The following SLC12A6 variants were observed in gnomAD, a reference collection of about 807,000 sequenced individuals.
SLC12A6 encodes solute carrier family 12 member 6.
Under a neutral mutation model 135.3 loss-of-function variants are expected in SLC12A6, and 66 were observed. The ratio of observed to expected loss-of-function variants is 0.49; its 90% CI spans 0.40 to 0.60. The LOEUF (loss-of-function observed/expected upper bound fraction) is 0.60, where lower values mean the gene tolerates loss of function less well. Ranked by LOEUF, SLC12A6 falls within the 20% of genes least tolerant of loss-of-function variation. The pLI, the probability that SLC12A6 is intolerant of heterozygous loss-of-function variation, is 0.00. For missense variants in SLC12A6, 1,058 were observed against 1,452.3 expected (o/e 0.73, Z 4.41); for synonymous variants, 513 against 508.8 (o/e 1.01, Z -0.11).
At chr15:34,271,602 TACACACACACAC>T (rs10588100) in intron 3 of SLC12A6, among the ~76,000 whole-genome samples, 5 of 148,826 alleles carry the variant, frequency 3.4e-5, no homozygotes, top group South Asian at 2.1e-4. Flanking sequence ...AGTGCAAAGC[TACACACACACAC>T]ACACACACAC....
Position 34,256,092 on chromosome 15 carries a change from C to T in SLC12A6, c.745+137G>A, listed in dbSNP as rs1053021113. 8.4e-6 allele frequency: 6 copies of T among 712,494 alleles called. No homozygotes were observed. In the African/African-American group the frequency reaches 1.1e-4, roughly 12 times the overall value. The allele number at this position is 712,494 out of a possible 1,614,324, so 44.1% of individuals were successfully genotyped here. ...AGTCAAGTAGTATTATGTCTACGTC[C>T]TATAGACCATTACTCTGTTGTAGCA... On this transcript the variant is annotated intron_variant, in intron 7 of 25. Coordinates refer to ENST00000354181, the MANE Select transcript of SLC12A6 (RefSeq NM_001365088.1).
chr15:34,250,807 C>A, intron 11 of SLC12A6, 78 bp from the exon 12 acceptor site: 1 of 1,396,208 alleles, frequency 7.2e-7, no homozygotes, highest in East Asian at 2.3e-5. Flanking sequence ...AGAGTAGAAG[C>A]AAATCTAGGA....
chr15:34,336,695 GAACA>G lies in SLC12A6; in HGVS notation c.-19_-16del, dbSNP rs765826251. 1.2e-6 allele frequency: 2 copies of G among 1,613,274 alleles called. No homozygotes were observed. Among genetic ancestry groups the G allele is most frequent in the Non-Finnish European group, 1.7e-6 (2 of 1,179,332 alleles). ...GGAGGATGCATTTTGTTCTTTTTAA[GAACA>G]AAAAAAGTGGGGGGAACCTCGCAAA... On this transcript the variant is annotated 5_prime_UTR_variant, in exon 2 of 26. Transcript: ENST00000354181.
intron 3 of SLC12A6, 84 bp downstream of exon 3, chr15:34,275,261 A>AAT (rs1894218960): frequency 4.1e-6 from 3 of 739,422 alleles, no homozygotes; most frequent in Non-Finnish European, 7.3e-6. Context: ...TAGAAAATAG[A>AAT]ATCAGAGAAG....
At chr15:34,237,150 A>G (rs1016708266) in intron 22 of SLC12A6, 28 of 465,000 alleles carry the variant, frequency 6.0e-5, no homozygotes, top group Middle Eastern at 6.0e-4. Flanking sequence ...AAAATTTCAT[A>G]AAACTATATT....
chr15:34,234,380 CTTTTT>C lies in SLC12A6; in HGVS notation c.3362-413_3362-409del, dbSNP rs910172993. ...CTTTTTAAACCTTTTTCTTTTCTTT[CTTTTT>C]TTTTTGAGACAGAATTTCCTCTTGT... On this transcript the variant is annotated intron_variant, in intron 25 of 25. Coordinates refer to ENST00000354181, the MANE Select transcript of SLC12A6 (RefSeq NM_001365088.1). Among the ~76,000 whole-genome samples, 6 of 148,866 alleles carry C rather than the reference CTTTTT, an allele frequency of 4.0e-5. No homozygotes were observed. In the South Asian group the frequency reaches 1.3e-3, roughly 32 times the overall value.
chr15:34,312,713 T>A (rs1367985920), intron 2 of SLC12A6, among the ~76,000 whole-genome samples: 2 of 152,182 alleles, frequency 1.3e-5, no homozygotes, highest in East Asian at 3.8e-4. Context: ...CACAGATACT[T>A]TGGGGTTTTT....
rs1162530361 is a variant in SLC12A6, at chr15:34,240,825, G to A, written c.2272C>T (p.Gln758Ter). The A allele has an allele frequency of 2.5e-6, 4 of 1,612,578 alleles. No individual in the cohort carries two copies. The highest frequency in any genetic ancestry group is 3.4e-6 in the Non-Finnish European group (4 of 1,179,292). ...TCTAGTTTCAGTAATACAAGCAACT[G>A]AGGCCTGTGAAGAGGTTGGTGGGGG... ...GPPHTKNWRP[Q>*]LLVLLKLDED... The change falls in exon 19 of 26, where the codon CAG (glutamine) becomes TAG (stop). Residue 758 changes from glutamine to a stop codon, truncating the protein, a stop_gained. Transcript: ENST00000354181. LOFTEE classifies it high-confidence loss of function.
intron 3 of SLC12A6, among the ~76,000 whole-genome samples, chr15:34,269,225 T>G (rs1893739636): frequency 6.6e-6 from 1 of 152,216 alleles, no homozygotes; most frequent in Admixed American, 6.5e-5. Flanking sequence ...AACTTACTGG[T>G]GTTTCACTGC....
intron 2 of SLC12A6, chr15:34,318,664 A>G: frequency 6.2e-7 from 1 of 1,613,428 alleles, no homozygotes; most frequent in Non-Finnish European, 8.5e-7. Context: ...CCTTAGTCAC[A>G]GTAAAATGTG....
intron 2 of SLC12A6, among the ~76,000 whole-genome samples, chr15:34,286,413 A>G (rs1427272503): frequency 6.6e-6 from 1 of 151,862 alleles, no homozygotes; most frequent in African/African-American, 2.4e-5. Flanking sequence ...AAAAAATTGT[A>G]TTTGACTCCG....
intron 2 of SLC12A6, among the ~76,000 whole-genome samples, chr15:34,301,037 C>G (rs1195915409): frequency 1.3e-5 from 2 of 151,844 alleles, no homozygotes; most frequent in Non-Finnish European, 2.9e-5. Flanking sequence ...GGCGCGATCT[C>G]GGCTCACTGC....
chr15:34,243,472 A>ACAG (rs1406386245), intron 16 of SLC12A6, among the ~76,000 whole-genome samples: 2 of 152,200 alleles, frequency 1.3e-5, no homozygotes, highest in African/African-American at 4.8e-5. Flanking sequence ...CTTAACTACA[A>ACAG]CAGCAGCAGC....
At chr15:34,331,965 T>C (rs181954729) in intron 2 of SLC12A6, among the ~76,000 whole-genome samples, 1 of 152,134 alleles carries the variant, frequency 6.6e-6, no homozygotes, top group African/African-American at 2.4e-5. Context: ...TAGATCACAT[T>C]ACATGAGAAA....
chr15:34,240,098 C>A (rs74665959), intron 19 of SLC12A6, among the ~76,000 whole-genome samples: 8,464 of 151,910 alleles, frequency 0.056, 277 homozygotes, highest in Non-Finnish European at 0.073. Context: ...ATCCTTCCCC[C>A]CTCCCCCCAC....
At chr15:34,304,807 C>T (rs1400349003) in intron 2 of SLC12A6, among the ~76,000 whole-genome samples, 3 of 152,102 alleles carry the variant, frequency 2.0e-5, no homozygotes, top group East Asian at 3.8e-4. Flanking sequence ...GGTTAAAAAC[C>T]TTACTTAGCA....
At chr15:34,284,213 C>A (rs556119522) in intron 2 of SLC12A6, among the ~76,000 whole-genome samples, 1 of 150,724 alleles carries the variant, frequency 6.6e-6, no homozygotes, top group African/African-American at 2.4e-5. Context: ...TGATATCTTA[C>A]GGAAAGAGAG....
At chr15:34,241,928 C>A (rs1891672030) in intron 17 of SLC12A6, among the ~76,000 whole-genome samples, 174 bp downstream of exon 17, 1 of 152,150 alleles carries the variant, frequency 6.6e-6, no homozygotes, top group South Asian at 2.1e-4. Flanking sequence ...CTCAATGGAT[C>A]TCCCTTGTGA....
In SLC12A6 at chr15:34,241,356, A is replaced by T; in HGVS notation, c.2163-19T>A. 2 of 1,343,864 alleles carry T rather than the reference A, an allele frequency of 1.5e-6. No individual in the cohort carries two copies. Among genetic ancestry groups the T allele is most frequent in the Non-Finnish European group, 2.1e-6 (2 of 933,084 alleles). 83.2% of individuals were successfully genotyped at this position (1,343,864 alleles called of 1,614,324 possible). On this transcript the variant is annotated intron_variant, in intron 17 of 25. Transcript: ENST00000354181. Reference sequence around the variant, plus strand: ...CTCAGCTCTGTGAGAAAAAGAAAAGAGCAGAGACAAATTTAAACTATAGTA... The same window carrying T: ...CTCAGCTCTGTGAGAAAAAGAAAAGTGCAGAGACAAATTTAAACTATAGTA...
Sources: allele counts gnomAD v4.1 joint callset (sites outside exome capture counted in the v4.1 genomes callset), GRCh38; gene constraint gnomAD v4.1.1; transcripts MANE v1.5; gene names NCBI Gene and HGNC (gene_info 2026-07-23, HGNC 2026-07-21).